CADPS2: variants seen among roughly 807,000 people sequenced by gnomAD.
The protein encoded by CADPS2 is calcium-dependent secretion activator 2.
CADPS2 carries 93 observed loss-of-function variants against 172.5 expected under a neutral mutation model. The ratio of observed to expected loss-of-function variants is 0.54; its 90% CI spans 0.46 to 0.64. The LOEUF (loss-of-function observed/expected upper bound fraction) is 0.64, where lower values mean the gene tolerates loss of function less well. Ranked by LOEUF, CADPS2 falls within the 30% of genes least tolerant of loss-of-function variation. CADPS2 has a pLI of 0.00. For synonymous variants in CADPS2, 546 were observed against 555.2 expected (o/e 0.98, Z 0.23); for missense variants, 1,420 against 1,565.9 (o/e 0.91, Z 1.57).
At chr7:122,836,793 C>T (rs1182421969) in intron 1 of CADPS2, among the ~76,000 whole-genome samples, 3 of 152,150 alleles carry the variant, frequency 2.0e-5, no homozygotes, top group Non-Finnish European at 4.4e-5. Flanking sequence ...CCTTAGAGAT[C>T]TACAGAGAGA....
At chr7:122,485,023 T>C (rs936024491) in intron 11 of CADPS2, among the ~76,000 whole-genome samples, 5 of 152,182 alleles carry the variant, frequency 3.3e-5, no homozygotes, top group Non-Finnish European at 5.9e-5. Flanking sequence ...TGTAATTGTT[T>C]TGGGGTGCCA....
intron 8 of CADPS2, among the ~76,000 whole-genome samples, chr7:122,527,416 TAAAA>T (rs5887096): frequency 6.9e-6 from 1 of 145,428 alleles, no homozygotes; most frequent in Non-Finnish European, 1.5e-5. Flanking sequence ...ACTAATATGC[TAAAA>T]AAAAAAAAAA....
At chr7:122,640,320 T>G (rs2077476629) in intron 3 of CADPS2, among the ~76,000 whole-genome samples, 1 of 152,096 alleles carries the variant, frequency 6.6e-6, no homozygotes, top group South Asian at 2.1e-4. Flanking sequence ...TTTCTTTGGG[T>G]GTGTGTGTAC....
intron 8 of CADPS2, among the ~76,000 whole-genome samples, chr7:122,516,938 G>C (rs963938973): frequency 4.6e-5 from 7 of 152,000 alleles, no homozygotes; most frequent in Non-Finnish European, 8.8e-5. Context: ...AAAATTACCT[G>C]TTTCAGGTAT....
At chr7:122,582,184 A>G (rs2068921095) in intron 6 of CADPS2, among the ~76,000 whole-genome samples, 1 of 152,116 alleles carries the variant, frequency 6.6e-6, no homozygotes. Flanking sequence ...AATAAATATC[A>G]ATTTTCTTAT....
chr7:122,532,062 C>A (rs922083282), intron 8 of CADPS2, among the ~76,000 whole-genome samples: 6 of 150,904 alleles, frequency 4.0e-5, no homozygotes, highest in Non-Finnish European at 5.9e-5. Context: ...AACAAACAAA[C>A]AAAATACTGT....
At chr7:122,635,362 C>T (rs1588009815) in intron 3 of CADPS2, among the ~76,000 whole-genome samples, 1 of 151,654 alleles carries the variant, frequency 6.6e-6, no homozygotes, top group Non-Finnish European at 1.5e-5. Context: ...ATGTGCCATG[C>T]TGGTGTGCTG....
At chr7:122,621,151 C>T (rs1269583813) in intron 5 of CADPS2, among the ~76,000 whole-genome samples, 1 of 152,088 alleles carries the variant, frequency 6.6e-6, no homozygotes, top group Non-Finnish European at 1.5e-5. Context: ...ATCCTCTCGC[C>T]TCGGCCTCCC....
chr7:122,636,778 G>A (rs751213139), intron 3 of CADPS2, among the ~76,000 whole-genome samples: 4 of 152,030 alleles, frequency 2.6e-5, no homozygotes, highest in Non-Finnish European at 5.9e-5. Flanking sequence ...GCCTTTTTAA[G>A]ATTTTTTTGT....
At chr7:122,664,403 T>C (rs1448565602) in intron 2 of CADPS2, among the ~76,000 whole-genome samples, 2 of 151,944 alleles carry the variant, frequency 1.3e-5, no homozygotes, top group African/African-American at 4.8e-5. Flanking sequence ...TAATTGTCCA[T>C]TACTACTGGA....
intron 3 of CADPS2, among the ~76,000 whole-genome samples, chr7:122,660,308 T>C (rs937641271): frequency 3.3e-5 from 5 of 152,164 alleles, no homozygotes; most frequent in African/African-American, 9.7e-5. Context: ...TGTTATCTGA[T>C]GGTAGGCTTA....
chr7:122,413,842 T>C (rs552699250), intron 19 of CADPS2, among the ~76,000 whole-genome samples: 1 of 152,318 alleles, frequency 6.6e-6, no homozygotes, highest in East Asian at 1.9e-4. Flanking sequence ...TTCAGTCATG[T>C]TTTACTTAGA....
At chr7:122,541,873 ATATT>A (rs1453361811) in intron 8 of CADPS2, among the ~76,000 whole-genome samples, 1 of 145,304 alleles carries the variant, frequency 6.9e-6, no homozygotes, top group East Asian at 2.0e-4. Flanking sequence ...ATATGCATAT[ATATT>A]TATATATATT....
At chr7:122,583,901 A>G (rs972614088) in intron 6 of CADPS2, among the ~76,000 whole-genome samples, 2 of 151,270 alleles carry the variant, frequency 1.3e-5, no homozygotes, top group Non-Finnish European at 3.0e-5. Flanking sequence ...ACTCACACAC[A>G]TATAAAGATC....
intron 1 of CADPS2, among the ~76,000 whole-genome samples, chr7:122,868,968 A>G (rs1016431072): frequency 1.3e-5 from 2 of 152,194 alleles, no homozygotes; most frequent in African/African-American, 2.4e-5. Context: ...GAAGATTAGC[A>G]AATTTAAAGA....
chr7:122,606,500 C>T (rs1177649977), intron 6 of CADPS2, among the ~76,000 whole-genome samples: 1 of 152,076 alleles, frequency 6.6e-6, no homozygotes, highest in Non-Finnish European at 1.5e-5. Flanking sequence ...CTAAATTGAA[C>T]ACACACAAGA....
At chr7:122,571,460 G>A (rs2067244327) in intron 7 of CADPS2, among the ~76,000 whole-genome samples, 1 of 152,070 alleles carries the variant, frequency 6.6e-6, no homozygotes, top group Non-Finnish European at 1.5e-5. Flanking sequence ...AATATGATCA[G>A]CCCCTGTAAG....
intron 1 of CADPS2, among the ~76,000 whole-genome samples, chr7:122,787,307 T>A (rs1794274058): frequency 6.6e-6 from 1 of 152,200 alleles, no homozygotes; most frequent in East Asian, 1.9e-4. Flanking sequence ...TATCATGAAC[T>A]TTTGCATATA....
At chr7:122,698,542 C>A in intron 2 of CADPS2, 1 of 1,614,044 alleles carries the variant, frequency 6.2e-7, no homozygotes, top group Non-Finnish European at 8.5e-7. Context: ...GATGATCACT[C>A]CACTGGCTCC....
Sources: allele counts gnomAD v4.1 joint callset (sites outside exome capture counted in the v4.1 genomes callset), GRCh38; gene constraint gnomAD v4.1.1; transcripts MANE v1.5; gene names NCBI Gene and HGNC (gene_info 2026-07-23, HGNC 2026-07-21).